Variants in RAB6B observed in about 807,000 individuals in gnomAD.
RAB6B encodes the protein RAB6B, member RAS oncogene family.
A neutral mutation model predicts 31.2 loss-of-function variants in RAB6B; 7 were observed. The observed-to-expected ratio is 0.22, with a 90% CI of 0.13 to 0.42. The LOEUF (loss-of-function observed/expected upper bound fraction) is 0.42, where lower values mean the gene tolerates loss of function less well. Ranked by LOEUF, RAB6B falls within the 10% of genes least tolerant of loss-of-function variation. The pLI is 1.00. For missense variants in RAB6B, 149 were observed against 280.6 expected (o/e 0.53, Z 3.35); for synonymous variants, 105 against 104.9 (o/e 1.00, Z -0.01).
chr3:133,886,514 C>A (rs973398699), intron 1 of RAB6B, among the ~76,000 whole-genome samples: 1 of 152,192 alleles, frequency 6.6e-6, no homozygotes, highest in Non-Finnish European at 1.5e-5. Flanking sequence ...GAGGAGCAGG[C>A]ATGGTGAGTC....
At chr3:133,870,138 G>A (rs1339381801) in intron 1 of RAB6B, among the ~76,000 whole-genome samples, 1 of 152,192 alleles carries the variant, frequency 6.6e-6, no homozygotes, top group Non-Finnish European at 1.5e-5. Context: ...GTCTGCCATT[G>A]CTGGGAAAGC....
At chr3:133,847,516 T>C (rs1935922236) in intron 2 of RAB6B, among the ~76,000 whole-genome samples, 1 of 152,364 alleles carries the variant, frequency 6.6e-6, no homozygotes, top group Admixed American at 6.5e-5. Flanking sequence ...CCAAGAAACA[T>C]TCTCAAGATT....
intron 1 of RAB6B, among the ~76,000 whole-genome samples, chr3:133,883,244 A>AG (rs1342673182): frequency 6.6e-6 from 1 of 152,220 alleles, no homozygotes; most frequent in Non-Finnish European, 1.5e-5. Flanking sequence ...GCACAGAGGC[A>AG]GTGTGCTGGA....
Position 133,895,866 on chromosome 3 carries a change from C to T in RAB6B, c.-400G>A, listed in dbSNP as rs1936706782. 2 of 178,184 alleles carry T rather than the reference C, an allele frequency of 1.1e-5. No individual in the cohort carries two copies. Among genetic ancestry groups the T allele is most frequent in the Admixed American group, 6.3e-5 (1 of 15,884 alleles). The allele number at this position is 178,184 out of a possible 1,614,324, so 11.0% of individuals were successfully genotyped here. A position where few individuals can be genotyped will look rare whatever the true frequency, so the allele number is the denominator to read the frequency against. Reference sequence around the variant, plus strand: ...GCCCCCTCCCGCCTGCCTCCTCCGCCGGCGCCTGCGCTCTGTGCGCTCCCC... The same window carrying T: ...GCCCCCTCCCGCCTGCCTCCTCCGCTGGCGCCTGCGCTCTGTGCGCTCCCC... On this transcript the variant is annotated 5_prime_UTR_variant, in exon 1 of 8. Coordinates refer to ENST00000285208, the MANE Select transcript of RAB6B (RefSeq NM_016577.4).
intron 2 of RAB6B, among the ~76,000 whole-genome samples, chr3:133,844,951 A>AT (rs1346828583): frequency 6.6e-6 from 1 of 151,290 alleles, no homozygotes; most frequent in Non-Finnish European, 1.5e-5. Context: ...TCAAAAGAAA[A>AT]AAAAAAAAGT....
chr3:133,871,934 C>T (rs569015029), intron 1 of RAB6B, among the ~76,000 whole-genome samples: 8 of 152,226 alleles, frequency 5.3e-5, no homozygotes. Context: ...GTCCACAGAG[C>T]TGGGCTCAGG....
rs1559915516 is a variant in RAB6B, at chr3:133,889,437, TA to T, written c.70+5959del. 2.8e-4 allele frequency among the ~76,000 whole-genome samples: 24 copies of T among 87,010 alleles called. 1 individual carries two copies. The highest frequency in any genetic ancestry group is 8.4e-4 in the African/African-American group (18 of 21,454). The allele number at this position is 87,010 out of a possible 152,430, so 57.1% of individuals were successfully genotyped here. On this transcript the variant is annotated intron_variant, in intron 1 of 7. Coordinates refer to ENST00000285208, the MANE Select transcript of RAB6B (RefSeq NM_016577.4). ...ATATATATATATATATATATATATA[TA>T]TATATATTTATTTTGGGATGGAGTT...
chr3:133,847,077 C>T (rs964310239), intron 2 of RAB6B, among the ~76,000 whole-genome samples: 2 of 152,204 alleles, frequency 1.3e-5, no homozygotes, highest in African/African-American at 4.8e-5. Context: ...TGATTGCGTC[C>T]TATCACAGTA....
intron 1 of RAB6B, among the ~76,000 whole-genome samples, chr3:133,888,026 C>G (rs1248732790): frequency 2.0e-5 from 3 of 152,222 alleles, no homozygotes; most frequent in African/African-American, 7.2e-5. Flanking sequence ...GCAGGTTCCT[C>G]TTTAGCAAAG....
intron 1 of RAB6B, among the ~76,000 whole-genome samples, chr3:133,871,526 A>G (rs1353915707): frequency 6.6e-6 from 1 of 152,228 alleles, no homozygotes; most frequent in Non-Finnish European, 1.5e-5. Context: ...CTTTGGGGCC[A>G]GTGGCTATGA....
intron 1 of RAB6B, among the ~76,000 whole-genome samples, chr3:133,890,030 G>A (rs1346083788): frequency 6.6e-6 from 1 of 152,180 alleles, no homozygotes; most frequent in Non-Finnish European, 1.5e-5. Context: ...TTCTGGGCCT[G>A]TACCCAACCT....
chr3:133,829,038 G>A (rs578221372), intron 7 of RAB6B, among the ~76,000 whole-genome samples, 186 bp from the exon 8 acceptor site: 5 of 152,180 alleles, frequency 3.3e-5, no homozygotes, highest in Admixed American at 6.5e-5. Context: ...CCCTTCACCC[G>A]TCCACTTCCC....
chr3:133,829,827 G>C (rs1261684492), intron 7 of RAB6B, among the ~76,000 whole-genome samples: 1 of 152,004 alleles, frequency 6.6e-6, no homozygotes, highest in Admixed American at 6.5e-5. Context: ...CAACTTTTTG[G>C]CCACCTCTAA....
intron 1 of RAB6B, among the ~76,000 whole-genome samples, chr3:133,887,421 T>C (rs1936563786): frequency 6.6e-6 from 1 of 152,184 alleles, no homozygotes; most frequent in Admixed American, 6.5e-5. Context: ...GAGAAGATCC[T>C]GCATGTGGGA....
Position 133,826,796 on chromosome 3 carries a change from C to A in RAB6B, c.*1992G>T, listed in dbSNP as rs1161949261. 2 of 152,684 alleles carry A rather than the reference C, an allele frequency of 1.3e-5. No homozygotes were observed. Among genetic ancestry groups the A allele is most frequent in the East Asian group, 3.8e-4 (2 of 5,204 alleles). 9.5% of individuals were successfully genotyped at this position (152,684 alleles called of 1,614,324 possible). A position where few individuals can be genotyped will look rare whatever the true frequency, so the allele number is the denominator to read the frequency against. On this transcript the variant is annotated 3_prime_UTR_variant, in exon 8 of 8. Coordinates refer to ENST00000285208, the MANE Select transcript of RAB6B (RefSeq NM_016577.4). ...ATATTAAGTATTTCTTATTTCAACA[C>A]GTTGCAGTACTTTTGAATTTCCAAA...
intron 7 of RAB6B, among the ~76,000 whole-genome samples, chr3:133,834,207 T>C (rs1935697795): frequency 6.6e-6 from 1 of 152,152 alleles, no homozygotes; most frequent in African/African-American, 2.4e-5. Context: ...GTTGAGATCA[T>C]ATCCCCAGTG....
Position 133,851,665 on chromosome 3 carries a change from TAAC to T in RAB6B, c.130-10005_130-10003del, listed in dbSNP as rs1935986291. Among the ~76,000 whole-genome samples, 4 of 152,210 alleles carry T rather than the reference TAAC, an allele frequency of 2.6e-5. No homozygotes were observed. The South Asian group carries it at 8.3e-4, about 32-fold the overall frequency. Reference sequence around the variant, plus strand: ...CTGGGTGACTAAGATAAGGTACTGTTAACAAGAAAAGGGGGGAGTGGCTTGCAC... The same window carrying T: ...CTGGGTGACTAAGATAAGGTACTGTTAAGAAAAGGGGGGAGTGGCTTGCAC... On this transcript the variant is annotated intron_variant, in intron 2 of 7. Transcript: ENST00000285208.
At chr3:133,847,758 G>A (rs979915406) in intron 2 of RAB6B, among the ~76,000 whole-genome samples, 4 of 152,184 alleles carry the variant, frequency 2.6e-5, no homozygotes, top group African/African-American at 7.2e-5. Context: ...AAGTCATGAG[G>A]ACACTGTATA....
At chr3:133,875,585 A>G (rs1307561585) in intron 1 of RAB6B, among the ~76,000 whole-genome samples, 1 of 152,162 alleles carries the variant, frequency 6.6e-6, no homozygotes, top group Non-Finnish European at 1.5e-5. Flanking sequence ...CAGCCTGCAC[A>G]TCAGTCTTGG....
Sources: allele counts gnomAD v4.1 joint callset (sites outside exome capture counted in the v4.1 genomes callset), GRCh38; gene constraint gnomAD v4.1.1; transcripts MANE v1.5; gene names NCBI Gene and HGNC (gene_info 2026-07-23, HGNC 2026-07-21).